Variants in SEL1L3 observed in about 807,000 individuals in gnomAD.
SEL1L3 encodes SEL1L family member 3.
In SEL1L3, 76 loss-of-function variants were observed where a neutral mutation model predicts 142.8. The observed-to-expected ratio is 0.53, with a 90% CI of 0.44 to 0.64. SEL1L3 has a LOEUF of 0.64. SEL1L3 is among the 30% of genes least tolerant of loss of function. The pLI, the probability that SEL1L3 is intolerant of heterozygous loss-of-function variation, is 0.00. For missense variants in SEL1L3, 1,262 were observed against 1,381.7 expected (o/e 0.91, Z 1.37); for synonymous variants, 504 against 519.6 (o/e 0.97, Z 0.41).
chr4:25,725,114 C>T, the SEL1L3 span, among the ~76,000 whole-genome samples: 1 of 152,114 alleles, frequency 6.6e-6, no homozygotes, highest in East Asian at 1.9e-4. Context: ...TGCTAGGATC[C>T]CTGCTTACAG....
chr4:25,807,840 C>CA (rs1312030846), intron 9 of SEL1L3, among the ~76,000 whole-genome samples: 2 of 151,746 alleles, frequency 1.3e-5, no homozygotes, highest in East Asian at 1.9e-4. Context: ...ATCTTTAGCA[C>CA]AAAAAAAACT....
At chr4:25,759,421 C>A in intron 20 of SEL1L3, 1 of 191,910 alleles carries the variant, frequency 5.2e-6, no homozygotes, top group Non-Finnish European at 1.1e-5. Flanking sequence ...ATGTCCATTG[C>A]CTACAGACTA....
rs771518863 is a variant in SEL1L3, at chr4:25,784,222, T to C, written c.2280+6A>G. The stretch of plus-strand genomic sequence containing the variant: ...CTGTTTCCCTCTGACAATATGCATG[T>C]GTTACCTTGGAAGCTGCTTTCTTCA... On this transcript the variant is annotated splice_donor_region_variant and intron_variant, in intron 14 of 23. Coordinates refer to ENST00000399878, the MANE Select transcript of SEL1L3 (RefSeq NM_015187.5). 3.1e-6 allele frequency: 5 copies of C among 1,610,422 alleles called. No individual in the cohort carries two copies. In the East Asian group the frequency reaches 1.1e-4, roughly 36 times the overall value.
intron 6 of SEL1L3, among the ~76,000 whole-genome samples, chr4:25,827,684 C>T (rs747464745): frequency 6.6e-6 from 1 of 152,172 alleles, no homozygotes; most frequent in Non-Finnish European, 1.5e-5. Context: ...AGCCCTGGAT[C>T]ATTCTGTGGC....
chr4:25,730,330 A>G, the SEL1L3 span, among the ~76,000 whole-genome samples: 5 of 151,942 alleles, frequency 3.3e-5, no homozygotes, highest in African/African-American at 1.2e-4. Flanking sequence ...TATTTTGTCT[A>G]TGAACTAACT....
At chr4:25,837,310 T>C (rs1715896468) in intron 2 of SEL1L3, among the ~76,000 whole-genome samples, 1 of 144,500 alleles carries the variant, frequency 6.9e-6, no homozygotes, top group African/African-American at 2.6e-5. Context: ...CTGCTGGTGA[T>C]GGCTGTTGAG....
chr4:25,843,828 C>A (rs140661214), intron 2 of SEL1L3, among the ~76,000 whole-genome samples: 1 of 152,216 alleles, frequency 6.6e-6, no homozygotes, highest in African/African-American at 2.4e-5. Context: ...ATGGCCTGGC[C>A]GGGTCTGGCC....
At chr4:25,767,455 C>A in intron 19 of SEL1L3, 70 bp downstream of exon 19, 1 of 788,070 alleles carries the variant, frequency 1.3e-6, no homozygotes, top group South Asian at 1.6e-5. Context: ...ACAAAGCTGT[C>A]AGATGTTCCC....
chr4:25,753,397 A>C (rs996447425), intron 23 of SEL1L3, among the ~76,000 whole-genome samples: 5 of 152,144 alleles, frequency 3.3e-5, no homozygotes, highest in Middle Eastern at 3.2e-3. Flanking sequence ...GAGGCTCCTA[A>C]CTCTCAAATA....
rs545810543 is a variant in SEL1L3, at chr4:25,822,606, G to A, written c.1158-478C>T. Among the ~76,000 whole-genome samples, 889 of 152,330 alleles carry A rather than the reference G, an allele frequency of 5.8e-3. 5 individuals carry two copies. Among genetic ancestry groups the A allele is most frequent in the Middle Eastern group, 0.024 (7 of 294 alleles). ...GAATGAATAGAAGGTGGCTGTGGGGGAAAGCCAAAAGCGTAGACTATTAGA... is the reference window on the plus strand; with the variant it reads ...GAATGAATAGAAGGTGGCTGTGGGGAAAAGCCAAAAGCGTAGACTATTAGA... On this transcript the variant is annotated intron_variant, in intron 6 of 23. Transcript: ENST00000399878.
At chr4:25,741,712 T>C in the SEL1L3 span, among the ~76,000 whole-genome samples, 1 of 152,100 alleles carries the variant, frequency 6.6e-6, no homozygotes, top group Non-Finnish European at 1.5e-5. Flanking sequence ...AAATCCTTTA[T>C]TTTTGAAGAA....
At chr4:25,753,484 T>C (rs757662658) in intron 23 of SEL1L3, among the ~76,000 whole-genome samples, 2 of 152,234 alleles carry the variant, frequency 1.3e-5, no homozygotes, top group African/African-American at 4.8e-5. Context: ...GGCTGCTACA[T>C]GCACCCATCC....
the SEL1L3 span, among the ~76,000 whole-genome samples, chr4:25,716,208 A>C: frequency 1.3e-5 from 2 of 152,168 alleles, no homozygotes; most frequent in Non-Finnish European, 2.9e-5. Flanking sequence ...TGAACAGAAA[A>C]TATGATCAAA....
intron 6 of SEL1L3, among the ~76,000 whole-genome samples, chr4:25,824,711 T>C (rs1297594463): frequency 1.3e-5 from 2 of 152,210 alleles, no homozygotes; most frequent in African/African-American, 2.4e-5. Flanking sequence ...GGGGGATCAC[T>C]TGAGCCCAAA....
chr4:25,837,088 A>C (rs568090075), intron 2 of SEL1L3, among the ~76,000 whole-genome samples: 43 of 151,846 alleles, frequency 2.8e-4, no homozygotes, highest in Non-Finnish European at 5.4e-4. Context: ...TTGTTTTTTC[A>C]ATTTGAGCTC....
chr4:25,830,892 C>T (rs1357892370), intron 5 of SEL1L3, among the ~76,000 whole-genome samples: 2 of 152,176 alleles, frequency 1.3e-5, no homozygotes, highest in African/African-American at 4.8e-5. Context: ...CAGTTGTTTG[C>T]CTAAACCAAC....
At chr4:25,813,221 A>G (rs1378390049) in intron 9 of SEL1L3, among the ~76,000 whole-genome samples, 2 of 152,202 alleles carry the variant, frequency 1.3e-5, no homozygotes, top group African/African-American at 4.8e-5. Flanking sequence ...CAAAAAATGA[A>G]AGCATGGTTC....
chr4:25,740,508 C>T, the SEL1L3 span, among the ~76,000 whole-genome samples: 959 of 152,126 alleles, frequency 6.3e-3, 8 homozygotes, highest in Non-Finnish European at 7.9e-3. Flanking sequence ...CGAGCACATC[C>T]GTTCTCCTAC....
chr4:25,847,357 A>G lies in SEL1L3; in HGVS notation c.670T>C (p.Trp224Arg), dbSNP rs753182720. Residue 224 changes from tryptophan to arginine, a missense_variant, in exon 2 of 24, where the codon TGG (tryptophan) becomes CGG (arginine). Around this residue, in one of 3 missense-constraint regions of SEL1L3, gnomAD observed 689 missense variants for 692.8 expected, o/e 0.99. Transcript: ENST00000399878. ...PFKDHQVCLE[W>R]NMGYIWNLRA... ...AGGTTCCAAATATAACCCATGTTCC[A>G]CTCAAGGCACACTTGATGATCTTTG... The G allele has an allele frequency of 6.2e-7, 1 of 1,613,820 alleles. No homozygotes were observed. The highest frequency in any genetic ancestry group is 8.5e-7 in the Non-Finnish European group (1 of 1,179,886).
Sources: gnomAD v4.1 joint callset for allele counts (sites outside exome capture counted in the v4.1 genomes callset) on GRCh38, gnomAD v4.1.1 for gene constraint, gnomAD v4.1.1 regional missense constraint, MANE v1.5 for transcripts, NCBI Gene and HGNC (gene_info 2026-07-23, HGNC 2026-07-21) for gene names.